The following C3orf52 variants were observed in gnomAD, a reference collection of about 807,000 sequenced individuals.
C3orf52 encodes the protein chromosome 3 open reading frame 52, also known as TPA-induced transmembrane protein.
Under a neutral mutation model 24.8 loss-of-function variants are expected in C3orf52, and 22 were observed. The observed-to-expected ratio is 0.89, with a 90% CI of 0.63 to 1.27. C3orf52 has a LOEUF of 1.27. Among genes scored for constraint, C3orf52 ranks in the 50% most tolerant of loss-of-function variants. The probability of loss-of-function intolerance (pLI) is 0.00; values close to 1 mark genes in which losing one functional copy is unlikely to be tolerated. For missense variants in C3orf52, 265 were observed against 260.7 expected, an observed-to-expected ratio of 1.02 and a Z score of -0.11; for synonymous variants, 93 against 100.2, an observed-to-expected ratio of 0.93 and a Z score of 0.43.
At chr3:112,092,008 A>G (rs1375007440) in intron 1 of C3orf52, among the ~76,000 whole-genome samples, 2 of 12,222 alleles carry the variant, frequency 1.6e-4, no homozygotes, top group African/African-American at 2.3e-4. Flanking sequence ...CATCTCAAGA[A>G]AAAAAGAAAA....
chr3:112,092,284 C>T (rs1290397053), intron 1 of C3orf52, among the ~76,000 whole-genome samples: 1 of 152,190 alleles, frequency 6.6e-6, no homozygotes, highest in Non-Finnish European at 1.5e-5. Context: ...GTTTCAGTAG[C>T]TTGCTTAAAG....
At chr3:112,118,806 C>G (rs1241075518), downstream of C3orf52, among the ~76,000 whole-genome samples, 1 of 152,196 alleles carries the variant, frequency 6.6e-6, no homozygotes, top group Non-Finnish European at 1.5e-5. Flanking sequence ...GAAAACTGCT[C>G]TTCTCTGGAT....
chr3:112,086,633 A>C (rs527943414), intron 1 of C3orf52, 88 bp downstream of exon 1: 6 of 1,471,358 alleles, frequency 4.1e-6, no homozygotes, highest in African/African-American at 2.8e-5. Context: ...TCGGGTTTCC[A>C]GTCAGGCGGG....
intron 3 of C3orf52, among the ~76,000 whole-genome samples, chr3:112,108,553 A>G (rs552458234): frequency 6.6e-6 from 1 of 152,322 alleles, no homozygotes; most frequent in Non-Finnish European, 1.5e-5. Flanking sequence ...ATAAGTTGTG[A>G]TGGGGAAAAT....
At position 112,117,010 on chromosome 3, in the gene C3orf52, T is replaced by C; in HGVS notation, c.*364T>C. ...GTTCTGTCGCTTAGCTGGAGTGCGGTGGCGTGATCATGGCACTGCTATTCT... is the reference window on the plus strand; with the variant it reads ...GTTCTGTCGCTTAGCTGGAGTGCGGCGGCGTGATCATGGCACTGCTATTCT... On this transcript the variant is annotated 3_prime_UTR_variant, in exon 6 of 6. Transcript: ENST00000264848. The C allele has an allele frequency of 7.6e-7, 1 of 1,312,912 alleles. No homozygotes were observed. The highest frequency in any genetic ancestry group is 1.4e-5 in the South Asian group (1 of 73,182). 81.3% of individuals were successfully genotyped at this position (1,312,912 alleles called of 1,614,324 possible). A position where few individuals can be genotyped will look rare whatever the true frequency, so the allele number is the denominator to read the frequency against.
chr3:112,098,477 C>T (rs918229077), intron 2 of C3orf52, among the ~76,000 whole-genome samples: 1 of 152,162 alleles, frequency 6.6e-6, no homozygotes, highest in Non-Finnish European at 1.5e-5. Context: ...AAGAAGGTGA[C>T]TCCTAGATCT....
At chr3:112,123,724 T>G in intron 4 of C3orf52, 1 of 1,613,960 alleles carries the variant, frequency 6.2e-7, no homozygotes, top group Non-Finnish European at 8.5e-7. Flanking sequence ...ACCCGATGAT[T>G]GATGAGGGTA....
At chr3:112,111,888 G>T (rs2074086628) in intron 4 of C3orf52, 1 of 152,198 alleles carries the variant, frequency 6.6e-6, no homozygotes, top group African/African-American at 2.4e-5. Flanking sequence ...CATTTGATCT[G>T]CAGGATCTGG....
downstream of C3orf52, chr3:112,121,400 G>C (rs2074196769): frequency 6.6e-6 from 1 of 152,122 alleles, no homozygotes; most frequent in Non-Finnish European, 1.5e-5. Context: ...TATGCTCTTT[G>C]ATATCATTTA....
chr3:112,130,558 G>T, downstream of C3orf52: 1 of 1,518,116 alleles, frequency 6.6e-7, no homozygotes, highest in Non-Finnish European at 9.1e-7. Context: ...TTCCTAAACA[G>T]GCCTGTCACT....
downstream of C3orf52, chr3:112,120,997 C>G (rs558735380): frequency 2.0e-5 from 3 of 152,200 alleles, no homozygotes; most frequent in African/African-American, 7.2e-5. Context: ...TATCTTGAAG[C>G]ACTCCCAAAT....
At chr3:112,106,273 T>TCTG (rs2074023003) in intron 3 of C3orf52, among the ~76,000 whole-genome samples, 2 of 152,114 alleles carry the variant, frequency 1.3e-5, no homozygotes, top group African/African-American at 4.8e-5. Flanking sequence ...TCTTTTTTTT[T>TCTG]TCTCCAGACA....
intron 5 of C3orf52, among the ~76,000 whole-genome samples, chr3:112,115,398 T>TGGTTTG (rs2074125637): frequency 1.3e-5 from 2 of 152,136 alleles, no homozygotes; most frequent in Admixed American, 1.3e-4. Context: ...AATGAGTTCT[T>TGGTTTG]ACGCCAGTTT....
At chr3:112,130,316 T>G (rs1183097531), downstream of C3orf52, 3 of 760,144 alleles carry the variant, frequency 3.9e-6, no homozygotes, top group Non-Finnish European at 4.7e-6. Context: ...TGTCTTCACA[T>G]TTGTTACTAT....
downstream of C3orf52, chr3:112,121,902 C>A (rs1266169056): frequency 6.6e-6 from 1 of 152,180 alleles, no homozygotes; most frequent in Non-Finnish European, 1.5e-5. Context: ...TACCAGGTTC[C>A]CTGTCGCTTA....
intron 2 of C3orf52, among the ~76,000 whole-genome samples, chr3:112,102,504 C>T (rs2107781741): frequency 6.6e-6 from 1 of 152,272 alleles, no homozygotes; most frequent in East Asian, 1.9e-4. Context: ...GCCTTGACAC[C>T]TGTGTACCTA....
At chr3:112,112,755 A>G (rs367610409) in intron 4 of C3orf52, 58 of 607,654 alleles carry the variant, frequency 9.5e-5, no homozygotes, top group African/African-American at 8.4e-4. Flanking sequence ...AGGTGGAAGG[A>G]GGAGGTTAGG....
chr3:112,092,134 G>A (rs976721578), intron 1 of C3orf52, among the ~76,000 whole-genome samples: 1 of 152,214 alleles, frequency 6.6e-6, no homozygotes, highest in East Asian at 1.9e-4. Flanking sequence ...GAATGACTGA[G>A]GCGCAGTTGC....
intron 2 of C3orf52, among the ~76,000 whole-genome samples, chr3:112,095,675 G>C (rs1003627993): frequency 1.3e-5 from 2 of 152,096 alleles, no homozygotes; most frequent in Non-Finnish European, 2.9e-5. Context: ...TGTCAATGCT[G>C]TAAGAGAGAT....
Sources: allele counts gnomAD v4.1 joint callset (sites outside exome capture counted in the v4.1 genomes callset), GRCh38; gene constraint gnomAD v4.1.1; transcripts MANE v1.5; gene names NCBI Gene and HGNC (gene_info 2026-07-23, HGNC 2026-07-21).